The following PTPN23 variants were observed in gnomAD, a reference collection of about 807,000 sequenced individuals.
The protein encoded by PTPN23 is protein tyrosine phosphatase non-receptor type 23.
Under a neutral mutation model 156.3 loss-of-function variants are expected in PTPN23, and 72 were observed. The observed-to-expected ratio is 0.46, with a 90% CI of 0.38 to 0.56. The LOEUF (loss-of-function observed/expected upper bound fraction) is 0.56, where lower values mean the gene tolerates loss of function less well. PTPN23 is among the 20% of genes least tolerant of loss of function. The pLI is 0.00. For synonymous variants in PTPN23, 957 were observed against 899.6 expected (o/e 1.06, Z -1.14); for missense variants, 1,974 against 2,171.5 (o/e 0.91, Z 1.81).
intron 2 of PTPN23, among the ~76,000 whole-genome samples, chr3:47,400,418 A>C (rs1704969408): frequency 1.3e-5 from 2 of 152,230 alleles, no homozygotes. Flanking sequence ...GGCTCTGCGC[A>C]GCTCGTCTGA....
At position 47,405,673 on chromosome 3, in the gene PTPN23, G is replaced by A; in HGVS notation, c.365-76G>A. 6 of 1,435,080 alleles carry A rather than the reference G, an allele frequency of 4.2e-6. No individual in the cohort carries two copies. The highest frequency in any genetic ancestry group is 2.0e-5 in the Admixed American group (1 of 50,886). The allele number at this position is 1,435,080 out of a possible 1,614,324, so 88.9% of individuals were successfully genotyped here. Reference sequence around the variant, plus strand: ...CATGTTGTCCTGATTGTGGATAACAGCAGTGCCCCCTCTGTCTCACCTTCA... The same window carrying A: ...CATGTTGTCCTGATTGTGGATAACAACAGTGCCCCCTCTGTCTCACCTTCA... On this transcript the variant is annotated intron_variant, in intron 4 of 24. Coordinates refer to ENST00000265562, the MANE Select transcript of PTPN23 (RefSeq NM_015466.4). The surrounding 1 kb of genome is among the most constrained non-coding windows in gnomAD (Gnocchi z 4.7).
At position 47,396,228 on chromosome 3, in the gene PTPN23, A is replaced by G; in HGVS notation, c.159+11A>G. ...GAGTTGCTCAGACAGGTAGGAGGATAGTATTATCTTTTTATGCATGGGTAG... is the reference window on the plus strand; with the variant it reads ...GAGTTGCTCAGACAGGTAGGAGGATGGTATTATCTTTTTATGCATGGGTAG... On this transcript the variant is annotated intron_variant, in intron 2 of 24. Transcript: ENST00000265562. The G allele has an allele frequency of 6.2e-7, 1 of 1,603,514 alleles. No homozygotes were observed. The highest frequency in any genetic ancestry group is 1.1e-5 in the South Asian group (1 of 90,716).
At chr3:47,402,661 C>T (rs957887697) in intron 2 of PTPN23, among the ~76,000 whole-genome samples, 2 of 152,092 alleles carry the variant, frequency 1.3e-5, no homozygotes, top group Admixed American at 6.6e-5. Context: ...TTATGGTGTA[C>T]AGTCTTCTGA....
At position 47,405,340 on chromosome 3, in the gene PTPN23, G is replaced by T; in HGVS notation, c.364+259G>T. ...CACTGTGTGCTCTGTCTGGGAGAGA[G>T]GGCCTTTCTTCTTTGACTGGACAGC... is the stretch of plus-strand genomic sequence containing the variant. On this transcript the variant is annotated intron_variant, in intron 4 of 24. Coordinates refer to ENST00000265562, the MANE Select transcript of PTPN23 (RefSeq NM_015466.4). The surrounding 1 kb of genome is among the most constrained non-coding windows in gnomAD (Gnocchi z 4.7). 1.8e-6 allele frequency: 1 copy of T among 558,778 alleles called. No individual in the cohort carries two copies. Among genetic ancestry groups the T allele is most frequent in the Non-Finnish European group, 3.2e-6 (1 of 311,638 alleles). The allele number at this position is 558,778 out of a possible 1,614,324, so 34.6% of individuals were successfully genotyped here.
In PTPN23 at chr3:47,411,845, C is replaced by T; in HGVS notation, c.3951C>T (p.Ser1317=). 6.2e-7 allele frequency: 1 copy of T among 1,613,230 alleles called. No individual in the cohort carries two copies. The highest frequency in any genetic ancestry group is 8.5e-7 in the Non-Finnish European group (1 of 1,179,976). Residue 1317 remains serine, a synonymous_variant, in exon 21 of 25, where the codon AGC becomes AGT. Transcript: ENST00000265562. This position sits in a 1 kb window ranked among gnomAD's most constrained non-coding sequence, Gnocchi z 6.3. ...AGCCCATGGTGCACGGTGCCCTGAG[C>T]CTGGCATTGAGCAGCGTCCGCAGCA... ...RGQPMVHGAL[S]LALSSVRSTE... is the part of the protein sequence containing the mutation.
chr3:47,407,554 C>T lies in PTPN23; in HGVS notation c.973C>T (p.Pro325Ser). 1 of 1,613,984 alleles carries T rather than the reference C, an allele frequency of 6.2e-7. No individual in the cohort carries two copies. The highest frequency in any genetic ancestry group is 1.7e-5 in the Admixed American group (1 of 60,010). ...DNDFIYHEAV[P>S]ALDTLQPVKG... is the part of the protein sequence containing the mutation. ...CGACTTCATTTACCATGAGGCTGTC[C>T]CAGCATTGGACACTCTTCAGCCTGT... Residue 325 changes from proline to serine, a missense_variant, in exon 12 of 25, where the codon CCA (proline) becomes TCA (serine). Transcript: ENST00000265562. This position sits in a 1 kb window ranked among gnomAD's most constrained non-coding sequence, Gnocchi z 4.0.
Position 47,405,143 on chromosome 3 carries a change from T to A in PTPN23, c.364+62T>A. On this transcript the variant is annotated intron_variant, in intron 4 of 24. Transcript: ENST00000265562. The surrounding 1 kb of genome is among the most constrained non-coding windows in gnomAD (Gnocchi z 4.7). The stretch of plus-strand genomic sequence containing the variant: ...CAGTCCTGCCAGCCTAGCTTTCAGC[T>A]CTTCAGATGGCCACAAAGGCAGTGG... 6.7e-7 allele frequency: 1 copy of A among 1,502,272 alleles called. No individual in the cohort carries two copies. Among genetic ancestry groups the A allele is most frequent in the Non-Finnish European group, 9.3e-7 (1 of 1,079,102 alleles). 93.1% of individuals were successfully genotyped at this position (1,502,272 alleles called of 1,614,324 possible).
At position 47,412,822 on chromosome 3, in the gene PTPN23, G is replaced by A. The variant is rs780885056; in HGVS notation, c.4548G>A (p.Pro1516=). Residue 1516 remains proline, a synonymous_variant, in exon 25 of 25, where the codon CCG becomes CCA. Coordinates refer to ENST00000265562, the MANE Select transcript of PTPN23 (RefSeq NM_015466.4). ...SIRPPGGLES[P]VASLPGPAEP... ...GGCCTCCTGGGGGGTTGGAGTCCCC[G>A]GTTGCCAGCTTGCCAGGCCCTGCAG... 1.9e-5 allele frequency: 30 copies of A among 1,613,366 alleles called. No individual in the cohort carries two copies. Among genetic ancestry groups the A allele is most frequent in the East Asian group, 1.3e-4 (6 of 44,890 alleles).
At chr3:47,381,227 C>A (rs1230752322) in intron 1 of PTPN23, 47 bp downstream of exon 1, 1 of 1,548,870 alleles carries the variant, frequency 6.5e-7, no homozygotes, top group Non-Finnish European at 8.7e-7. Context: ...GTATCTCCGT[C>A]GTCTGCAAGC....
chr3:47,411,153 C>T lies in PTPN23; in HGVS notation c.3355C>T (p.Leu1119=), dbSNP rs1280683135. The change falls in exon 20 of 25, where the codon CTG becomes TTG. Residue 1119 remains leucine (L), a synonymous_variant. Transcript: ENST00000265562. This position sits in a 1 kb window ranked among gnomAD's most constrained non-coding sequence, Gnocchi z 6.3. ...CLRRGAAAAD[L]LSSSPESQHG... ...GCGCCGAGGCGCCGCAGCTGCAGAC[C>T]TGCTCTCCTCCAGCCCGGAGAGCCA... 15 of 1,601,802 alleles carry T rather than the reference C, an allele frequency of 9.4e-6. No homozygotes were observed. Among genetic ancestry groups the T allele is most frequent in the South Asian group, 3.3e-5 (3 of 89,902 alleles).
Position 47,412,352 on chromosome 3 carries a change from C to A in PTPN23, c.4248C>A (p.Asn1416Lys). ...CTGTGCAGGAGGTGGAGGCTGGGAA[C>A]GGAATCCCTGAGCTGCCTCAGCTGG... ...YAAVQEVEAG[N>K]GIPELPQLVR... The change falls in exon 23 of 25, where the codon AAC (asparagine) becomes AAA (lysine). Residue 1416 changes from asparagine (N) to lysine (K), a missense_variant. Around this residue, in one of 4 missense-constraint regions of PTPN23, gnomAD observed 484 missense variants for 516.0 expected, o/e 0.94. Coordinates refer to ENST00000265562, the MANE Select transcript of PTPN23 (RefSeq NM_015466.4). 1 of 1,613,272 alleles carries A rather than the reference C, an allele frequency of 6.2e-7. No homozygotes were observed.
At position 47,407,469 on chromosome 3, in the gene PTPN23, C is replaced by T. The variant is rs1705155877; in HGVS notation, c.924-36C>T. 1.2e-6 allele frequency: 2 copies of T among 1,608,728 alleles called. No individual in the cohort carries two copies. Among genetic ancestry groups the T allele is most frequent in the Non-Finnish European group, 1.7e-6 (2 of 1,175,342 alleles). ...TAGGTTCTGGATCCCCACTGACACC[C>T]CGTGACTGCCCACTCCCCCTGCTCC... is the stretch of plus-strand genomic sequence containing the variant. On this transcript the variant is annotated intron_variant, in intron 11 of 24. Transcript: ENST00000265562. This position sits in a 1 kb window ranked among gnomAD's most constrained non-coding sequence, Gnocchi z 4.0.
chr3:47,396,547 C>T (rs1188198846), intron 2 of PTPN23, among the ~76,000 whole-genome samples: 2 of 152,138 alleles, frequency 1.3e-5, no homozygotes, highest in Non-Finnish European at 2.9e-5. Flanking sequence ...TGCACTCCAG[C>T]CTGGGTGATA....
In PTPN23 at chr3:47,407,769, A is replaced by G. The variant is rs748019278; in HGVS notation, c.1076A>G (p.Lys359Arg). The change falls in exon 13 of 25, where the codon AAA becomes AGA. Residue 359 changes from lysine (K) to arginine (R), a missense_variant. By Grantham distance (26) the Lys-to-Arg change is conservative. Coordinates refer to ENST00000265562, the MANE Select transcript of PTPN23 (RefSeq NM_015466.4). The surrounding 1 kb of genome is among the most constrained non-coding windows in gnomAD (Gnocchi z 4.0). ...PAVTGPDIFA[K>R]LVPMAAHEAS... Reference sequence around the variant, plus strand: ...GTTACAGGCCCTGACATCTTTGCCAAACTGGTACCCATGGCTGCCCACGAG... The same window carrying G: ...GTTACAGGCCCTGACATCTTTGCCAGACTGGTACCCATGGCTGCCCACGAG... 11 of 1,614,012 alleles carry G rather than the reference A, an allele frequency of 6.8e-6. No individual in the cohort carries two copies. The highest frequency in any genetic ancestry group is 9.3e-6 in the Non-Finnish European group (11 of 1,180,008).
rs149299279 is a variant in PTPN23, at chr3:47,406,369, C to T, written c.591C>T (p.Asn197=). 4.0e-5 allele frequency: 65 copies of T among 1,613,736 alleles called. No individual in the cohort carries two copies. The highest frequency in any genetic ancestry group is 2.2e-5 in the Non-Finnish European group (26 of 1,180,030). The part of the protein sequence containing the change: ...ECLLEKSMLD[N]RKSFLVARIS... The stretch of plus-strand genomic sequence containing the variant: ...TCCTGGAGAAGTCGATGTTGGACAA[C>T]AGGAAGAGCTTTCTGGTGGCCCGCA... Residue 197 remains asparagine, a synonymous_variant, in exon 7 of 25, where the codon AAC becomes AAT. Coordinates refer to ENST00000265562, the MANE Select transcript of PTPN23 (RefSeq NM_015466.4). The surrounding 1 kb of genome is among the most constrained non-coding windows in gnomAD (Gnocchi z 5.8).
intron 1 of PTPN23, among the ~76,000 whole-genome samples, chr3:47,387,808 T>C (rs1347850456): frequency 6.6e-6 from 1 of 152,152 alleles, no homozygotes; most frequent in Admixed American, 6.5e-5. Flanking sequence ...AACATACTAG[T>C]ACAAGAGAAG....
rs753073710 is a variant in PTPN23, at chr3:47,408,938, G to A, written c.1493G>A (p.Trp498Ter). ...GAGCTGGCAGAGGTGAGGCGAGAAT[G>A]GGCCAAGTACATGGAAGTCCATGAG... Reference protein sequence around the residue: ...KAELAEVRREWAKYMEVHEKA... With the variant: ...KAELAEVRRE The change falls in exon 16 of 25, where the codon TGG (tryptophan) becomes TAG (stop). Residue 498 changes from tryptophan (W) to a stop codon, truncating the protein, a stop_gained. Transcript: ENST00000265562. LOFTEE classifies it high-confidence loss of function. The A allele has an allele frequency of 6.2e-7, 1 of 1,614,244 alleles. No homozygotes were observed. The highest frequency in any genetic ancestry group is 8.5e-7 in the Non-Finnish European group (1 of 1,180,040).
At chr3:47,386,731 G>A (rs1259378125) in intron 1 of PTPN23, among the ~76,000 whole-genome samples, 1 of 152,188 alleles carries the variant, frequency 6.6e-6, no homozygotes, top group Admixed American at 6.5e-5. Context: ...GTGGTGACCT[G>A]TCTTATCTCT....
chr3:47,408,375 C>T lies in PTPN23; in HGVS notation c.1215C>T (p.Pro405=), dbSNP rs201767013. 181 of 1,613,960 alleles carry T rather than the reference C, an allele frequency of 1.1e-4. No individual in the cohort carries two copies. Among genetic ancestry groups the T allele is most frequent in the South Asian group, 1.5e-4 (14 of 91,080 alleles). ...DQFMDSMQLD[P]ETVDNLDAYS... ...TCATGGATTCAATGCAGTTGGATCC[C>T]GAGACGGTGGACAACCTTGATGCCT... Residue 405 remains proline, a synonymous_variant, in exon 15 of 25, where the codon CCC becomes CCT. Coordinates refer to ENST00000265562, the MANE Select transcript of PTPN23 (RefSeq NM_015466.4).
Sources: gnomAD v4.1 joint callset for allele counts (sites outside exome capture counted in the v4.1 genomes callset) on GRCh38, gnomAD v4.1.1 for gene constraint, gnomAD v4.1.1 regional missense constraint, Gnocchi (gnomAD v3.1) non-coding constraint, MANE v1.5 for transcripts, NCBI Gene and HGNC (gene_info 2026-07-23, HGNC 2026-07-21) for gene names.